Variants in ROR1 observed in about 807,000 individuals in gnomAD.
ROR1 encodes ROR family WNT receptor 1.
Under a neutral mutation model 78.8 loss-of-function variants are expected in ROR1, and 19 were observed. That is an observed-to-expected ratio of 0.24 (90% CI 0.17 to 0.35). The LOEUF is 0.35. Among genes scored for constraint, ROR1 ranks in the 10% least tolerant of loss-of-function variants. The pLI is 1.00. For missense variants in ROR1, 917 were observed against 1,177.8 expected, an observed-to-expected ratio of 0.78 and a Z score of 3.24; for synonymous variants, 386 against 433.6, an observed-to-expected ratio of 0.89 and a Z score of 1.36.
chr1:63,852,586 C>T (rs1645121090), intron 1 of ROR1, among the ~76,000 whole-genome samples: 1 of 152,180 alleles, frequency 6.6e-6, no homozygotes, highest in African/African-American at 2.4e-5. Flanking sequence ...CAATATTTGT[C>T]TTATATGATA....
intron 1 of ROR1, among the ~76,000 whole-genome samples, chr1:63,881,767 C>T (rs893874756): frequency 2.0e-5 from 3 of 152,110 alleles, no homozygotes; most frequent in African/African-American, 7.2e-5. Flanking sequence ...CATGGCATTG[C>T]CCCTAAGGAA....
At chr1:64,040,059 A>G (rs1646733957) in intron 2 of ROR1, among the ~76,000 whole-genome samples, 2 of 152,162 alleles carry the variant, frequency 1.3e-5, no homozygotes, top group African/African-American at 4.8e-5. Flanking sequence ...TTTTACAGGG[A>G]TGGGAAAAGC....
intron 1 of ROR1, among the ~76,000 whole-genome samples, chr1:63,970,716 C>T (rs1159334145): frequency 2.6e-5 from 4 of 152,224 alleles, no homozygotes; most frequent in South Asian, 2.1e-4. Flanking sequence ...TTCTGCCAGG[C>T]GCCTTCTAAC....
intron 6 of ROR1, among the ~76,000 whole-genome samples, chr1:64,141,463 C>G (rs1457984238): frequency 6.6e-6 from 1 of 152,106 alleles, no homozygotes; most frequent in Non-Finnish European, 1.5e-5. Context: ...TCACAAGAAC[C>G]CTGCTTCCGT....
At chr1:63,806,552 T>C (rs1017080265) in intron 1 of ROR1, among the ~76,000 whole-genome samples, 40 of 152,248 alleles carry the variant, frequency 2.6e-4, no homozygotes, top group Admixed American at 3.9e-4. Context: ...CTCCTGACCT[T>C]GTGATCCGCC....
intron 2 of ROR1, among the ~76,000 whole-genome samples, chr1:64,043,059 T>C (rs1273094523): frequency 6.6e-6 from 1 of 152,232 alleles, no homozygotes; most frequent in African/African-American, 2.4e-5. Context: ...TGTGACTGGC[T>C]CCTCGGCTGA....
At chr1:64,058,818 T>C (rs901369709) in intron 4 of ROR1, among the ~76,000 whole-genome samples, 2 of 152,158 alleles carry the variant, frequency 1.3e-5, no homozygotes, top group African/African-American at 4.8e-5. Flanking sequence ...TAGCTTTGTC[T>C]AGTTCTGATA....
chr1:63,853,253 C>T (rs1347488027), intron 1 of ROR1, among the ~76,000 whole-genome samples: 1 of 152,134 alleles, frequency 6.6e-6, no homozygotes, highest in Non-Finnish European at 1.5e-5. Flanking sequence ...TTTATATCAG[C>T]TAGTTCATTC....
Position 64,049,889 on chromosome 1 carries a change from T to C in ROR1, c.362T>C (p.Leu121Pro). The C allele has an allele frequency of 6.2e-7, 1 of 1,614,126 alleles. No homozygotes were observed. Among genetic ancestry groups the C allele is most frequent in the Non-Finnish European group, 8.5e-7 (1 of 1,180,020 alleles). The change falls in exon 3 of 9, where the codon CTC becomes CCC. Residue 121 changes from leucine to proline, a missense_variant. Coordinates refer to ENST00000371079, the MANE Select transcript of ROR1 (RefSeq NM_005012.4). Reference protein sequence around the residue: ...IYGSRLRIRNLDTTDTGYFQC... With the variant: ...IYGSRLRIRNPDTTDTGYFQC... Reference sequence around the variant, plus strand: ...GGCTCTCGGCTGCGGATTAGAAACCTCGACACCACAGACACAGGCTACTTC... The same window carrying C: ...GGCTCTCGGCTGCGGATTAGAAACCCCGACACCACAGACACAGGCTACTTC...
At chr1:64,037,494 T>C (rs2100577281) in intron 2 of ROR1, among the ~76,000 whole-genome samples, 1 of 152,200 alleles carries the variant, frequency 6.6e-6, no homozygotes, top group Admixed American at 6.5e-5. Context: ...GCAGGCAAGG[T>C]GGATCAGGGC....
At chr1:63,864,814 C>A (rs560418696) in intron 1 of ROR1, among the ~76,000 whole-genome samples, 23 of 150,532 alleles carry the variant, frequency 1.5e-4, no homozygotes, top group African/African-American at 5.6e-4. Context: ...TTTTTGCCTC[C>A]AAATTTTGGA....
chr1:63,983,846 A>T (rs568024820), intron 1 of ROR1, among the ~76,000 whole-genome samples: 9 of 152,202 alleles, frequency 5.9e-5, no homozygotes, highest in Non-Finnish European at 1.2e-4. Flanking sequence ...AATTTCTCAG[A>T]GCCACAGTTT....
chr1:64,044,179 G>A (rs1045353681), intron 2 of ROR1, among the ~76,000 whole-genome samples: 5 of 152,064 alleles, frequency 3.3e-5, no homozygotes, highest in Non-Finnish European at 5.9e-5. Context: ...TACCGTTCAG[G>A]GCCTGAGCTA....
chr1:63,912,876 G>A (rs1344523903), intron 1 of ROR1, among the ~76,000 whole-genome samples: 1 of 152,192 alleles, frequency 6.6e-6, no homozygotes, highest in Non-Finnish European at 1.5e-5. Flanking sequence ...CTTTATCTTA[G>A]TTGGGATTAA....
chr1:64,044,559 C>T (rs1442895490), intron 2 of ROR1, among the ~76,000 whole-genome samples: 1 of 152,072 alleles, frequency 6.6e-6, no homozygotes, highest in African/African-American at 2.4e-5. Flanking sequence ...AATCTTGACC[C>T]TTGAATACAT....
In ROR1 at chr1:64,040,265, A is replaced by G. The variant is rs1377501726; in HGVS notation, c.164-9426A>G. On this transcript the variant is annotated intron_variant, in intron 2 of 8. Transcript: ENST00000371079. ...ATATTTCACCAAAACTCAAGGACCA[A>G]TTCTCAAGCCAGAAACTTTGTATTC... 5.3e-5 allele frequency among the ~76,000 whole-genome samples: 8 copies of G among 152,296 alleles called. No homozygotes were observed. The South Asian group carries it at 1.7e-3, about 32-fold the overall frequency.
chr1:64,069,196 T>C (rs1200132190), intron 4 of ROR1, among the ~76,000 whole-genome samples: 1 of 152,162 alleles, frequency 6.6e-6, no homozygotes, highest in East Asian at 1.9e-4. Flanking sequence ...TCAAAATCAC[T>C]GTGTATTTGC....
Position 63,840,319 on chromosome 1 carries a change from G to T in ROR1, c.91+65811G>T, listed in dbSNP as rs1325262113. On this transcript the variant is annotated intron_variant, in intron 1 of 8. Transcript: ENST00000371079. ...TTTGAGATGGAGTTTCACTCTTGTT[G>T]CCCAGGCTGGGGTGCAATGGTGCGA... 1.2e-4 allele frequency among the ~76,000 whole-genome samples: 17 copies of T among 136,226 alleles called. No homozygotes were observed. In the South Asian group the frequency reaches 1.3e-3, roughly 11 times the overall value. 89.4% of individuals were successfully genotyped at this position (136,226 alleles called of 152,430 possible). A position where few individuals can be genotyped will look rare whatever the true frequency, so the allele number is the denominator to read the frequency against.
chr1:64,098,539 C>A (rs1569746870), intron 4 of ROR1, among the ~76,000 whole-genome samples: 2 of 152,198 alleles, frequency 1.3e-5, no homozygotes, highest in East Asian at 3.9e-4. Flanking sequence ...CCAGTGCAGC[C>A]CAGAACTTAA....
Sources: allele counts gnomAD v4.1 joint callset (sites outside exome capture counted in the v4.1 genomes callset), GRCh38; gene constraint gnomAD v4.1.1; transcripts MANE v1.5; gene names NCBI Gene and HGNC (gene_info 2026-07-23, HGNC 2026-07-21).